The following ABCD2 variants were observed in gnomAD, a reference collection of about 807,000 sequenced individuals.
ABCD2 encodes ATP-binding cassette sub-family D member 2.
A neutral mutation model predicts 70.9 loss-of-function variants in ABCD2; 36 were observed. The observed-to-expected ratio is 0.51, with a 90% CI of 0.39 to 0.67. ABCD2 has a LOEUF of 0.67. Among genes scored for constraint, ABCD2 ranks in the 30% least tolerant of loss-of-function variants. The pLI is 0.00. For missense variants in ABCD2, 729 were observed against 890.2 expected (o/e 0.82, Z 2.30); for synonymous variants, 304 against 306.9 (o/e 0.99, Z 0.10).
At chr12:39,602,476 A>G (rs1400383668) in intron 5 of ABCD2, among the ~76,000 whole-genome samples, 1 of 152,076 alleles carries the variant, frequency 6.6e-6, no homozygotes, top group Non-Finnish European at 1.5e-5. Context: ...TTTAATCCTG[A>G]AGGCTAACAA....
chr12:39,593,591 G>T (rs1941775351), intron 6 of ABCD2, among the ~76,000 whole-genome samples: 1 of 152,114 alleles, frequency 6.6e-6, no homozygotes, highest in Non-Finnish European at 1.5e-5. Flanking sequence ...AGCTTATTTG[G>T]TGCAAGTACT....
chr12:39,534,760 GAGAAAGAAAGAAAGAAAGAAAGAA>G, the ABCD2 span, among the ~76,000 whole-genome samples: 10 of 113,178 alleles, frequency 8.8e-5, no homozygotes, highest in South Asian at 6.5e-4. Context: ...AAGAAAGAAA[GAGAAAGAAAGAAAGAAAGAAAGAA>G]AGAAAGAAAG....
At chr12:39,617,922 A>C (rs1942138998) in intron 1 of ABCD2, among the ~76,000 whole-genome samples, 1 of 152,110 alleles carries the variant, frequency 6.6e-6, no homozygotes. Context: ...AGTATGTATA[A>C]TTGGGCTAAT....
At position 39,603,996 on chromosome 12, in the gene ABCD2, A is replaced by C. The variant is rs768893354; in HGVS notation, c.1416T>G (p.Ile472Met). The C allele has an allele frequency of 1.9e-6, 3 of 1,610,414 alleles. No individual in the cohort carries two copies. Among genetic ancestry groups the C allele is most frequent in the Non-Finnish European group, 2.5e-6 (3 of 1,177,418 alleles). ...SDTLAIKGKV[I>M]DVDHGIICEN... ...CACAAATAATTCCGTGATCCACATC[A>C]ATAACTTTTCCTGTAATTAAGAAAA... Residue 472 changes from isoleucine (I) to methionine (M), a missense_variant, in exon 5 of 10, where the codon ATT (isoleucine) becomes ATG (methionine). Around this residue, in one of 3 missense-constraint regions of ABCD2, gnomAD observed 289 missense variants for 328.8 expected, o/e 0.88. Coordinates refer to ENST00000308666, the MANE Select transcript of ABCD2 (RefSeq NM_005164.4).
intron 9 of ABCD2, among the ~76,000 whole-genome samples, chr12:39,560,057 A>C (rs1297463375): frequency 6.6e-6 from 1 of 152,180 alleles, no homozygotes; most frequent in Non-Finnish European, 1.5e-5. Flanking sequence ...CATGTGCACA[A>C]TGTGCAGGTT....
the ABCD2 span, among the ~76,000 whole-genome samples, chr12:39,534,766 GAA>G: frequency 0.04 from 720 of 18,052 alleles, 10 homozygotes; most frequent in Non-Finnish European, 0.071. Flanking sequence ...GAAAGAGAAA[GAA>G]AGAAAGAAAG....
intron 1 of ABCD2, 53 bp downstream of exon 1, chr12:39,618,624 G>A: frequency 6.6e-7 from 1 of 1,524,790 alleles, no homozygotes; most frequent in Non-Finnish European, 8.9e-7. Flanking sequence ...TGGCACTGCA[G>A]TGGCAACTTG....
intron 9 of ABCD2, among the ~76,000 whole-genome samples, chr12:39,564,080 A>G (rs1350177707): frequency 6.6e-6 from 1 of 152,190 alleles, no homozygotes; most frequent in African/African-American, 2.4e-5. Flanking sequence ...GAGTGCCACA[A>G]TAAACATATG....
Position 39,619,798 on chromosome 12 carries a change from G to T in ABCD2, c.-183C>A. 1.7e-6 allele frequency: 1 copy of T among 585,526 alleles called. No individual in the cohort carries two copies. Among genetic ancestry groups the T allele is most frequent in the Non-Finnish European group, 3.0e-6 (1 of 336,586 alleles). The allele number at this position is 585,526 out of a possible 1,614,324, so 36.3% of individuals were successfully genotyped here. On this transcript the variant is annotated 5_prime_UTR_variant, in exon 1 of 10. Transcript: ENST00000308666. ...GATGCAGCAGAGCTCAGACTCCGCT[G>T]CATCTACCGGGAATGATTCTCTCAG...
chr12:39,563,097 G>A (rs899150938), intron 9 of ABCD2, among the ~76,000 whole-genome samples: 1 of 152,182 alleles, frequency 6.6e-6, no homozygotes, highest in South Asian at 2.1e-4. Flanking sequence ...ACAAGCATTT[G>A]ATAAAATTGA....
rs530289859 is a variant in ABCD2 at position 39,615,451 on chromosome 12, T to A, written c.1120+1537A>T. 2.0e-5 allele frequency among the ~76,000 whole-genome samples: 3 copies of A among 152,222 alleles called. No homozygotes were observed. In the South Asian group the frequency reaches 6.2e-4, roughly 32 times the overall value. On this transcript the variant is annotated intron_variant, in intron 2 of 9. Transcript: ENST00000308666. ...TTGAAAAAGTAATTTTATTTCATTA[T>A]GAAAGGATTATGTCTAAAATACTAT...
intron 9 of ABCD2, among the ~76,000 whole-genome samples, chr12:39,562,535 T>C (rs546603594): frequency 2.0e-5 from 3 of 152,080 alleles, no homozygotes; most frequent in Admixed American, 2.0e-4. Context: ...ATACAAAGAA[T>C]GATGAGACTG....
At chr12:39,594,227 T>G (rs1320729551) in intron 6 of ABCD2, among the ~76,000 whole-genome samples, 5 of 152,178 alleles carry the variant, frequency 3.3e-5, no homozygotes. Context: ...AAGGCACATC[T>G]GAGTTCAAAT....
Position 39,579,534 on chromosome 12 carries a change from C to T in ABCD2, c.1877+1G>A. On this transcript the variant is annotated splice_donor_variant, in intron 8 of 9. Transcript: ENST00000308666. LOFTEE classifies it high-confidence loss of function. The stretch of plus-strand genomic sequence containing the variant: ...TAGTTACCTGAATTTAGTATACTTA[C>T]TTATGATAAAACATACGAGCCATGC... 1 of 1,610,480 alleles carries T rather than the reference C, an allele frequency of 6.2e-7. No homozygotes were observed. The highest frequency in any genetic ancestry group is 8.5e-7 in the Non-Finnish European group (1 of 1,177,124).
At chr12:39,556,663 A>G (rs1941170820) in intron 9 of ABCD2, among the ~76,000 whole-genome samples, 2 of 152,178 alleles carry the variant, frequency 1.3e-5, no homozygotes, top group Admixed American at 6.5e-5. Flanking sequence ...CTAATACAGT[A>G]AATTGGTACT....
At chr12:39,607,763 T>TA in intron 2 of ABCD2, 49 bp from the exon 3 acceptor site, 1 of 1,279,188 alleles carries the variant, frequency 7.8e-7, no homozygotes, top group Non-Finnish European at 1.1e-6. Flanking sequence ...TTTTTTTTTT[T>TA]TTAGTAACTT....
chr12:39,604,523 T>C (rs749422026), intron 4 of ABCD2, among the ~76,000 whole-genome samples: 8 of 152,040 alleles, frequency 5.3e-5, no homozygotes, highest in Non-Finnish European at 8.8e-5. Context: ...ATATGTGCAG[T>C]TTCCAAAAAT....
intron 8 of ABCD2, among the ~76,000 whole-genome samples, chr12:39,574,110 G>A (rs535109215): frequency 7.2e-5 from 11 of 152,096 alleles, no homozygotes; most frequent in African/African-American, 2.2e-4. Context: ...CATAAATATG[G>A]GACATAGGAA....
At chr12:39,585,993 A>G (rs1410579457) in intron 7 of ABCD2, among the ~76,000 whole-genome samples, 159 bp downstream of exon 7, 1 of 152,202 alleles carries the variant, frequency 6.6e-6, no homozygotes, top group East Asian at 1.9e-4. Flanking sequence ...CAGAAAAAGA[A>G]ATGTAAATAA....
Sources: gnomAD v4.1 joint callset for allele counts (sites outside exome capture counted in the v4.1 genomes callset) on GRCh38, gnomAD v4.1.1 for gene constraint, gnomAD v4.1.1 regional missense constraint, MANE v1.5 for transcripts, NCBI Gene and HGNC (gene_info 2026-07-23, HGNC 2026-07-21) for gene names.